Variants in SLC49A4 observed in about 807,000 individuals in gnomAD.
SLC49A4 encodes solute carrier family 49 member 4.
Under a neutral mutation model 50.6 loss-of-function variants are expected in SLC49A4, and 36 were observed. The observed-to-expected ratio is 0.71, with a 90% confidence interval of 0.55 to 0.94. SLC49A4 has a LOEUF of 0.94. Among genes scored for constraint, SLC49A4 ranks in the 40% least tolerant of loss-of-function variants. SLC49A4 has a pLI of 0.00. For synonymous variants in SLC49A4, 248 were observed against 241.2 expected (o/e 1.03, Z -0.26); for missense variants, 503 against 605.7 (o/e 0.83, Z 1.78).
intron 6 of SLC49A4, among the ~76,000 whole-genome samples, chr3:122,856,973 A>G (rs1156527960): frequency 6.6e-6 from 1 of 152,122 alleles, no homozygotes; most frequent in Non-Finnish European, 1.5e-5. Context: ...TTGGAGAACA[A>G]CATCTACAAA....
In SLC49A4 at chr3:122,796,158, C is replaced by A. The variant is rs563676653; in HGVS notation, c.343+623C>A. Reference sequence around the variant, plus strand: ...TGAAGATGCTTGCTTAGAATGGTACCCTGGACATCTCACTTTACCACTTGC... The same window carrying A: ...TGAAGATGCTTGCTTAGAATGGTACACTGGACATCTCACTTTACCACTTGC... On this transcript the variant is annotated intron_variant, in intron 1 of 8. Coordinates refer to ENST00000261038, the MANE Select transcript of SLC49A4 (RefSeq NM_032839.3). Among the ~76,000 whole-genome samples, 5 of 152,156 alleles carry A rather than the reference C, an allele frequency of 3.3e-5. No homozygotes were observed. The East Asian group carries it at 9.6e-4, about 29-fold the overall frequency.
intron 1 of SLC49A4, among the ~76,000 whole-genome samples, chr3:122,797,688 C>T (rs1328740213): frequency 6.6e-6 from 1 of 152,158 alleles, no homozygotes; most frequent in Non-Finnish European, 1.5e-5. Context: ...TATTGATTTT[C>T]TCTGGGTTTC....
intron 1 of SLC49A4, 57 bp from the exon 2 acceptor site, chr3:122,806,800 T>G: frequency 9.4e-7 from 1 of 1,068,750 alleles, no homozygotes; most frequent in Non-Finnish European, 1.5e-6. Context: ...ATCTTTATTT[T>G]TAACATTGGA....
intron 2 of SLC49A4, among the ~76,000 whole-genome samples, chr3:122,819,649 A>G (rs1936423769): frequency 2.6e-5 from 4 of 152,198 alleles, no homozygotes; most frequent in Admixed American, 1.3e-4. Flanking sequence ...TGGAATGCTC[A>G]TTACTTTTCC....
intron 1 of SLC49A4, among the ~76,000 whole-genome samples, chr3:122,800,762 G>A (rs1234833585): frequency 1.3e-5 from 2 of 152,000 alleles, no homozygotes; most frequent in African/African-American, 4.8e-5. Context: ...TGGATGATAA[G>A]AGCTTGTAGA....
chr3:122,856,219 C>T lies in SLC49A4; in HGVS notation c.943-88C>T, dbSNP rs1429863985. 4.1e-6 allele frequency: 5 copies of T among 1,206,838 alleles called. No individual in the cohort carries two copies. The East Asian group carries it at 9.4e-5, about 23-fold the overall frequency. 74.8% of individuals were successfully genotyped at this position (1,206,838 alleles called of 1,614,324 possible). Reference sequence around the variant, plus strand: ...TTTATTTCATCCATTTAGCTACTAACATATTGATTATAGAGGACTTTTTTT... The same window carrying T: ...TTTATTTCATCCATTTAGCTACTAATATATTGATTATAGAGGACTTTTTTT... On this transcript the variant is annotated intron_variant, in intron 5 of 8. Coordinates refer to ENST00000261038, the MANE Select transcript of SLC49A4 (RefSeq NM_032839.3).
At chr3:122,825,366 T>C (rs1386536378) in intron 2 of SLC49A4, among the ~76,000 whole-genome samples, 1 of 152,184 alleles carries the variant, frequency 6.6e-6, no homozygotes, top group Non-Finnish European at 1.5e-5. Context: ...ATTATTTCTG[T>C]CATCTGGAAA....
chr3:122,842,330 CA>C (rs1936782147), intron 4 of SLC49A4, among the ~76,000 whole-genome samples: 1 of 151,660 alleles, frequency 6.6e-6, no homozygotes, highest in African/African-American at 2.4e-5. Context: ...ACTAAAAATA[CA>C]AAAAATTAAC....
chr3:122,806,272 G>T lies in SLC49A4; in HGVS notation c.344-585G>T, dbSNP rs139797451. Among the ~76,000 whole-genome samples the T allele has an allele frequency of 7.8e-3, 1,183 of 152,096 alleles. 8 individuals carry two copies. The highest frequency in any genetic ancestry group is 0.012 in the Non-Finnish European group (823 of 67,994). ...ATATTTTTAAGTATTATATCTGAAC[G>T]GAACATTTTAGACATTCCTTTTGAA... On this transcript the variant is annotated intron_variant, in intron 1 of 8. Transcript: ENST00000261038.
At chr3:122,801,295 G>T (rs1321554438) in intron 1 of SLC49A4, among the ~76,000 whole-genome samples, 1 of 152,178 alleles carries the variant, frequency 6.6e-6, no homozygotes, top group Non-Finnish European at 1.5e-5. Context: ...GGAGGCCATG[G>T]TTGAGGAATG....
At chr3:122,874,567 C>G (rs1186247108) in intron 8 of SLC49A4, among the ~76,000 whole-genome samples, 2 of 152,088 alleles carry the variant, frequency 1.3e-5, no homozygotes, top group Non-Finnish European at 2.9e-5. Flanking sequence ...AACTTTGTGA[C>G]TATTGTGAAC....
intron 3 of SLC49A4, among the ~76,000 whole-genome samples, chr3:122,831,014 A>G (rs544879342): frequency 6.6e-6 from 1 of 152,304 alleles, no homozygotes; most frequent in South Asian, 2.1e-4. Context: ...TTCATCGAAC[A>G]CATGAAAGAT....
At chr3:122,838,621 G>A (rs1378331034) in intron 4 of SLC49A4, among the ~76,000 whole-genome samples, 2 of 151,758 alleles carry the variant, frequency 1.3e-5, no homozygotes, top group East Asian at 1.9e-4. Context: ...ACGAGTTAAT[G>A]GGTGCAGCAC....
chr3:122,831,860 G>C (rs1936612619), intron 3 of SLC49A4, among the ~76,000 whole-genome samples: 1 of 151,942 alleles, frequency 6.6e-6, no homozygotes, highest in South Asian at 2.1e-4. Context: ...GCATATTTTA[G>C]GTGCTCATTC....
At chr3:122,806,120 T>C (rs1686260300) in intron 1 of SLC49A4, among the ~76,000 whole-genome samples, 1 of 152,232 alleles carries the variant, frequency 6.6e-6, no homozygotes, top group Non-Finnish European at 1.5e-5. Flanking sequence ...GGCAGTACTC[T>C]ATCACCTTAA....
intron 2 of SLC49A4, 128 bp from the exon 3 acceptor site, chr3:122,826,672 C>A: frequency 2.3e-6 from 2 of 887,902 alleles, no homozygotes; most frequent in African/African-American, 1.7e-5. Context: ...GTCTTTTAGG[C>A]ATGTCATATT....
At chr3:122,804,342 TC>T (rs1199233197) in intron 1 of SLC49A4, among the ~76,000 whole-genome samples, 2 of 152,172 alleles carry the variant, frequency 1.3e-5, no homozygotes, top group Non-Finnish European at 2.9e-5. Flanking sequence ...GTCCCTATGA[TC>T]CAAACACCTC....
Position 122,872,480 on chromosome 3 carries a change from G to T in SLC49A4, c.1204G>T (p.Glu402Ter), listed in dbSNP as rs757709352. 4 of 1,613,842 alleles carry T rather than the reference G, an allele frequency of 2.5e-6. No homozygotes were observed. Among genetic ancestry groups the T allele is most frequent in the Admixed American group, 3.3e-5 (2 of 59,996 alleles). ...GAATAGCAGCGTGCCTATATTTTTT[G>T]AGCTTTTTGTGGAAACTGTCTACCC... ...FLNSSVPIFFELFVETVYPVP... is the reference protein window; with the variant it reads ...FLNSSVPIFF Residue 402 changes from glutamate (E) to a stop codon, truncating the protein, a stop_gained, in exon 8 of 9, where the codon GAG (glutamate) becomes TAG (stop). Coordinates refer to ENST00000261038, the MANE Select transcript of SLC49A4 (RefSeq NM_032839.3). LOFTEE classifies it high-confidence loss of function.
intron 5 of SLC49A4, among the ~76,000 whole-genome samples, chr3:122,850,774 G>A (rs1936916455): frequency 1.3e-5 from 2 of 152,110 alleles, no homozygotes; most frequent in Admixed American, 1.3e-4. Flanking sequence ...CCAAAGTGTG[G>A]GCCATGTCGG....
Sources: allele counts gnomAD v4.1 joint callset (sites outside exome capture counted in the v4.1 genomes callset), GRCh38; gene constraint gnomAD v4.1.1; transcripts MANE v1.5; gene names NCBI Gene and HGNC (gene_info 2026-07-23, HGNC 2026-07-21).